PTDSS1: variants seen among roughly 807,000 people sequenced by gnomAD.
PTDSS1 encodes the protein PSS-1.
Under a neutral mutation model 70.5 loss-of-function variants are expected in PTDSS1, and 45 were observed. That is an observed-to-expected ratio of 0.64 (90% CI 0.50 to 0.82). The LOEUF is 0.82. Ranked by LOEUF, PTDSS1 falls within the 40% of genes least tolerant of loss-of-function variation. The probability of loss-of-function intolerance (pLI) is 0.00; values close to 1 mark genes in which losing one functional copy is unlikely to be tolerated. For missense variants in PTDSS1, 417 were observed against 586.1 expected (o/e 0.71, Z 2.98); for synonymous variants, 188 against 203.8 (o/e 0.92, Z 0.66).
At chr8:96,318,695 T>C (rs1376131915) in intron 9 of PTDSS1, among the ~76,000 whole-genome samples, 1 of 152,166 alleles carries the variant, frequency 6.6e-6, no homozygotes, top group Non-Finnish European at 1.5e-5. Context: ...CTTGTTTTGG[T>C]TCGGGCTAGG....
Position 96,334,837 on chromosome 8 carries a change from T to C in PTDSS1, c.*1271T>C, listed in dbSNP as rs1196310208. 4 of 152,252 alleles carry C rather than the reference T, an allele frequency of 2.6e-5. No individual in the cohort carries two copies. Among genetic ancestry groups the C allele is most frequent in the African/African-American group, 9.6e-5 (4 of 41,474 alleles). 9.4% of individuals were successfully genotyped at this position (152,252 alleles called of 1,614,324 possible). A position where few individuals can be genotyped will look rare whatever the true frequency, so the allele number is the denominator to read the frequency against. On this transcript the variant is annotated 3_prime_UTR_variant, in exon 13 of 13. Coordinates refer to ENST00000517309, the MANE Select transcript of PTDSS1 (RefSeq NM_014754.3). ...CCTCTAACAAGAGGCCAGTACCCAG[T>C]TGATTAGCTTACAGATATCAACTCA...
chr8:96,268,776 T>C (rs913426900), intron 1 of PTDSS1, among the ~76,000 whole-genome samples: 1 of 152,140 alleles, frequency 6.6e-6, no homozygotes, highest in Non-Finnish European at 1.5e-5. Context: ...GATTGGGATT[T>C]TAGATATTTG....
At chr8:96,310,209 G>T (rs1315086654) in intron 9 of PTDSS1, among the ~76,000 whole-genome samples, 4 of 147,028 alleles carry the variant, frequency 2.7e-5, no homozygotes, top group Non-Finnish European at 3.0e-5. Context: ...CTCTGTCCCA[G>T]GCTGGAGGGC....
intron 5 of PTDSS1, among the ~76,000 whole-genome samples, chr8:96,296,049 C>T (rs117444510): frequency 0.021 from 3,047 of 148,278 alleles, 37 homozygotes; most frequent in Non-Finnish European, 0.031. Context: ...TGCTGGCAGT[C>T]GTGGTCCCTG....
chr8:96,331,927 GTAGTTACAGC>G (rs1460507626), intron 12 of PTDSS1, among the ~76,000 whole-genome samples: 1 of 149,304 alleles, frequency 6.7e-6, no homozygotes, highest in Non-Finnish European at 1.5e-5. Flanking sequence ...GCACATGCCT[GTAGTTACAGC>G]TAGTCAGGAG....
intron 12 of PTDSS1, 104 bp downstream of exon 12, chr8:96,331,199 G>GGCCT (rs1811511555): frequency 9.1e-7 from 1 of 1,094,192 alleles, no homozygotes; most frequent in Non-Finnish European, 1.4e-6. Context: ...AAGGGTCTCA[G>GGCCT]GCCTACCCAT....
chr8:96,326,468 A>C (rs1215060208), intron 10 of PTDSS1, among the ~76,000 whole-genome samples: 8 of 152,232 alleles, frequency 5.3e-5, no homozygotes, highest in Non-Finnish European at 1.0e-4. Context: ...TGCCTGGTGC[A>C]TAGGAAGCAC....
chr8:96,276,510 A>G (rs1227774329), intron 2 of PTDSS1, among the ~76,000 whole-genome samples: 1 of 152,142 alleles, frequency 6.6e-6, no homozygotes, highest in Non-Finnish European at 1.5e-5. Context: ...GAGGAGCCAC[A>G]GAGCTCATCT....
intron 2 of PTDSS1, among the ~76,000 whole-genome samples, chr8:96,279,812 C>T (rs1474375599): frequency 7.2e-6 from 1 of 137,950 alleles, no homozygotes; most frequent in African/African-American, 3.2e-5. Flanking sequence ...GAGCAATACT[C>T]CATCTCAAAT....
At chr8:96,300,710 A>C (rs1014297826) in intron 6 of PTDSS1, among the ~76,000 whole-genome samples, 1 of 152,224 alleles carries the variant, frequency 6.6e-6, no homozygotes. Flanking sequence ...TTCTTCTAAA[A>C]CATGATTTTA....
Position 96,262,290 on chromosome 8 carries a change from A to AGGGGGGTTGGGGGGTT in PTDSS1, c.179+77_179+78insTTGGGGGGTTGGGGGG. On this transcript the variant is annotated intron_variant, in intron 1 of 12. Coordinates refer to ENST00000517309, the MANE Select transcript of PTDSS1 (RefSeq NM_014754.3). The surrounding 1 kb of genome is among the most constrained non-coding windows in gnomAD (Gnocchi z 4.4). ...AGAGGCGGGAGGGAGGGTGGCGGGG[A>AGGGGGGTTGGGGGGTT]GGGGGGCCCGGCATGGCTCTGGGTG... is the stretch of plus-strand genomic sequence containing the variant. 2.6e-6 allele frequency: 1 copy of AGGGGGGTTGGGGGGTT among 387,408 alleles called. No homozygotes were observed. 24.0% of individuals were successfully genotyped at this position (387,408 alleles called of 1,614,324 possible).
chr8:96,271,887 G>A (rs1490062626), intron 1 of PTDSS1, among the ~76,000 whole-genome samples: 1 of 147,804 alleles, frequency 6.8e-6, no homozygotes, highest in Non-Finnish European at 1.5e-5. Context: ...CTTTTAAAAC[G>A]GTCACTATTT....
rs1810592375 is a variant in PTDSS1 at position 96,273,283 on chromosome 8, G to A, written c.180-16G>A. ...GATCTGAAAGTAAATGCTCAATGTT[G>A]TTTTTCTATTTTCAGGGATGACTCT... is the stretch of plus-strand genomic sequence containing the variant. On this transcript the variant is annotated splice_polypyrimidine_tract_variant and intron_variant, in intron 1 of 12. Coordinates refer to ENST00000517309, the MANE Select transcript of PTDSS1 (RefSeq NM_014754.3). 1 of 1,565,808 alleles carries A rather than the reference G, an allele frequency of 6.4e-7. No individual in the cohort carries two copies. Among genetic ancestry groups the A allele is most frequent in the Admixed American group, 1.9e-5 (1 of 52,032 alleles).
intron 10 of PTDSS1, among the ~76,000 whole-genome samples, chr8:96,321,688 C>T (rs1362805667): frequency 6.6e-6 from 1 of 151,952 alleles, no homozygotes; most frequent in Non-Finnish European, 1.5e-5. Context: ...TTTCTTTTCT[C>T]TTTTTTGGCA....
intron 2 of PTDSS1, among the ~76,000 whole-genome samples, chr8:96,279,656 T>C (rs1182441503): frequency 6.6e-6 from 1 of 151,784 alleles, no homozygotes; most frequent in Non-Finnish European, 1.5e-5. Context: ...TTGTCTCTAC[T>C]GAAAATACAA....
At position 96,335,116 on chromosome 8, in the gene PTDSS1, G is replaced by GATTT. The variant is rs1187122507; in HGVS notation, c.*1551_*1554dup. ...AGCTCCGCTCACTTGGTGAGTGAGG[G>GATTT]ATTTGGCTGTGATGAGCCTCAGCTC... is the stretch of plus-strand genomic sequence containing the variant. On this transcript the variant is annotated 3_prime_UTR_variant, in exon 13 of 13. Coordinates refer to ENST00000517309, the MANE Select transcript of PTDSS1 (RefSeq NM_014754.3). 1 of 152,164 alleles carries GATTT rather than the reference G, an allele frequency of 6.6e-6. No homozygotes were observed. The highest frequency in any genetic ancestry group is 1.5e-5 in the Non-Finnish European group (1 of 68,034). 9.4% of individuals were successfully genotyped at this position (152,164 alleles called of 1,614,324 possible).
rs750372925 is a variant in PTDSS1, at chr8:96,273,407, A to C, written c.271+17A>C. Reference sequence around the variant, plus strand: ...TCCCCAATGGTAAGTAATGTCATGCATTACCACATTTCTCCTATATTGTGC... The same window carrying C: ...TCCCCAATGGTAAGTAATGTCATGCCTTACCACATTTCTCCTATATTGTGC... On this transcript the variant is annotated intron_variant, in intron 2 of 12. Coordinates refer to ENST00000517309, the MANE Select transcript of PTDSS1 (RefSeq NM_014754.3). The C allele has an allele frequency of 1.3e-5, 20 of 1,556,338 alleles. 1 individual carries two copies. In the South Asian group the frequency reaches 2.2e-4, roughly 17 times the overall value.
intron 10 of PTDSS1, among the ~76,000 whole-genome samples, chr8:96,327,938 AAACCTGTAAATTACC>A (rs1811461267): frequency 6.6e-6 from 1 of 152,168 alleles, no homozygotes; most frequent in Non-Finnish European, 1.5e-5. Flanking sequence ...GTGTGATTGC[AAACCTGTAAATTACC>A]GGCTTCCGTT....
rs539460910 is a variant in PTDSS1, at chr8:96,328,592, T to G, written c.1174-1621T>G. On this transcript the variant is annotated intron_variant, in intron 10 of 12. Coordinates refer to ENST00000517309, the MANE Select transcript of PTDSS1 (RefSeq NM_014754.3). ...AATGAACCAGTGGCGCTGCTTGTGC[T>G]TCTCACTCTCTCTCCACGCTGCCAC... 2.0e-3 allele frequency among the ~76,000 whole-genome samples: 298 copies of G among 152,332 alleles called. 2 individuals carry two copies. The highest frequency in any genetic ancestry group is 6.7e-3 in the African/African-American group (279 of 41,572).
Sources: allele counts gnomAD v4.1 joint callset (sites outside exome capture counted in the v4.1 genomes callset), GRCh38; gene constraint gnomAD v4.1.1; non-coding constraint Gnocchi (gnomAD v3.1); transcripts MANE v1.5; gene names NCBI Gene and HGNC (gene_info 2026-07-23, HGNC 2026-07-21).